Variants in BTBD9 observed in about 807,000 individuals in gnomAD.
The protein encoded by BTBD9 is BTB/POZ domain-containing protein 9.
BTBD9 carries 49 observed loss-of-function variants against 64.3 expected under a neutral mutation model. The observed-to-expected ratio is 0.76, with a 90% CI of 0.61 to 0.97. The LOEUF is 0.97. BTBD9 is among the 50% of genes least tolerant of loss of function. BTBD9 has a pLI of 0.00. For synonymous variants in BTBD9, 260 were observed against 274.7 expected (o/e 0.95, Z 0.53); for missense variants, 598 against 762.1 (o/e 0.78, Z 2.53).
chr6:38,175,187 G>A lies in BTBD9; in HGVS notation c.1642-5C>T, dbSNP rs1208918770. On this transcript the variant is annotated splice_polypyrimidine_tract_variant and splice_region_variant and intron_variant, in intron 10 of 10. Transcript: ENST00000481247. ...AAAGTGGACACAGTGGAACACCTGG[G>A]AGAGAAAAGGAAAAGACCCCATGAG... is the stretch of plus-strand genomic sequence containing the variant. 3 of 1,614,144 alleles carry A rather than the reference G, an allele frequency of 1.9e-6. No individual in the cohort carries two copies. The highest frequency in any genetic ancestry group is 1.7e-5 in the Admixed American group (1 of 60,020).
At chr6:38,260,807 T>C (rs1181139790) in intron 8 of BTBD9, among the ~76,000 whole-genome samples, 1 of 152,246 alleles carries the variant, frequency 6.6e-6, no homozygotes, top group Admixed American at 6.5e-5. Flanking sequence ...TATCTTTTTG[T>C]AACATCAAAT....
chr6:38,501,403 A>C (rs1480726913), intron 6 of BTBD9, among the ~76,000 whole-genome samples: 2 of 152,224 alleles, frequency 1.3e-5, no homozygotes, highest in African/African-American at 4.8e-5. Flanking sequence ...TCTGGTCCCA[A>C]GCATTTCAGA....
At chr6:38,611,524 C>T (rs958883213) in intron 1 of BTBD9, among the ~76,000 whole-genome samples, 2 of 152,088 alleles carry the variant, frequency 1.3e-5, no homozygotes, top group South Asian at 2.1e-4. Context: ...CTGATGCAGA[C>T]AGAATTTTAG....
At chr6:38,311,756 T>C (rs1022590630) in intron 7 of BTBD9, among the ~76,000 whole-genome samples, 3 of 152,234 alleles carry the variant, frequency 2.0e-5, no homozygotes, top group African/African-American at 7.2e-5. Flanking sequence ...ATTGTCTGTC[T>C]TTTGGATAAA....
At chr6:38,572,377 GA>G (rs1775809167) in intron 6 of BTBD9, among the ~76,000 whole-genome samples, 1 of 152,074 alleles carries the variant, frequency 6.6e-6, no homozygotes, top group African/African-American at 2.4e-5. Context: ...TGTTGTAAGT[GA>G]AAGTAGAACC....
chr6:38,412,525 T>C (rs902908673), intron 6 of BTBD9, among the ~76,000 whole-genome samples: 3 of 150,052 alleles, frequency 2.0e-5, no homozygotes, highest in Non-Finnish European at 4.4e-5. Flanking sequence ...TGTAACAGTG[T>C]ACAAAGGAGC....
intron 6 of BTBD9, among the ~76,000 whole-genome samples, chr6:38,499,265 C>T (rs749605933): frequency 6.6e-6 from 1 of 152,152 alleles, no homozygotes; most frequent in Non-Finnish European, 1.5e-5. Context: ...TCACAGGGAC[C>T]GCCCGCTCTG....
chr6:38,314,749 G>T (rs1762971684), intron 7 of BTBD9, among the ~76,000 whole-genome samples: 1 of 152,002 alleles, frequency 6.6e-6, no homozygotes, highest in Non-Finnish European at 1.5e-5. Flanking sequence ...TTTCCTCTAG[G>T]TTTTCCAATT....
intron 7 of BTBD9, among the ~76,000 whole-genome samples, chr6:38,328,618 G>A (rs567603480): frequency 7.2e-4 from 81 of 112,746 alleles, no homozygotes; most frequent in Middle Eastern, 4.9e-3. Flanking sequence ...TGTGTTTTAT[G>A]GCTGTCCTAG....
At chr6:38,213,817 T>A (rs1057235407) in intron 9 of BTBD9, among the ~76,000 whole-genome samples, 1 of 151,568 alleles carries the variant, frequency 6.6e-6, no homozygotes, top group Admixed American at 6.6e-5. Flanking sequence ...CCATCTCTAC[T>A]AAAAATACAA....
chr6:38,547,537 T>A (rs1286741637), intron 6 of BTBD9, among the ~76,000 whole-genome samples: 1 of 152,202 alleles, frequency 6.6e-6, no homozygotes, highest in Admixed American at 6.5e-5. Flanking sequence ...ACCTTCTCTA[T>A]CCTTGTTTAC....
chr6:38,411,629 G>GA (rs1767428880), intron 6 of BTBD9, among the ~76,000 whole-genome samples: 1 of 152,012 alleles, frequency 6.6e-6, no homozygotes, highest in South Asian at 2.1e-4. Context: ...TATAAAAAAT[G>GA]AAAAAATATT....
intron 6 of BTBD9, among the ~76,000 whole-genome samples, chr6:38,526,116 G>C (rs1444295841): frequency 6.6e-6 from 1 of 152,234 alleles, no homozygotes; most frequent in African/African-American, 2.4e-5. Context: ...ACCCAGGAGA[G>C]AAGAATGGTT....
At chr6:38,564,644 T>C (rs12213820) in intron 6 of BTBD9, among the ~76,000 whole-genome samples, 33,560 of 152,076 alleles carry the variant, frequency 0.22, 4,624 homozygotes, top group Non-Finnish European at 0.32. Flanking sequence ...ATCCCAGCAC[T>C]TTGGGAGGCC....
chr6:38,389,087 A>G (rs1766301459), intron 6 of BTBD9, among the ~76,000 whole-genome samples: 1 of 152,214 alleles, frequency 6.6e-6, no homozygotes, highest in African/African-American at 2.4e-5. Context: ...GTGATAATTT[A>G]TAGTATAGTG....
chr6:38,593,586 T>A (rs968805690), intron 3 of BTBD9, among the ~76,000 whole-genome samples: 2 of 152,228 alleles, frequency 1.3e-5, no homozygotes, highest in Non-Finnish European at 2.9e-5. Flanking sequence ...ATCTCCTCTA[T>A]GAATTTGCCT....
intron 9 of BTBD9, among the ~76,000 whole-genome samples, chr6:38,222,071 T>C (rs1763215945): frequency 6.6e-6 from 1 of 152,184 alleles, no homozygotes; most frequent in African/African-American, 2.4e-5. Context: ...AGGGAGGAGC[T>C]GGAATAATTA....
intron 1 of BTBD9, among the ~76,000 whole-genome samples, chr6:38,601,326 C>T (rs1230112723): frequency 6.6e-6 from 1 of 152,162 alleles, no homozygotes; most frequent in Non-Finnish European, 1.5e-5. Flanking sequence ...TTACCAATGG[C>T]ACAGCTTTAC....
chr6:38,179,948 G>A, intron 10 of BTBD9: 1 of 407,576 alleles, frequency 2.5e-6, no homozygotes, highest in South Asian at 1.8e-5. Flanking sequence ...AAAGATCTGG[G>A]CCTTGGCACC....
Sources: gnomAD v4.1 joint callset for allele counts (sites outside exome capture counted in the v4.1 genomes callset) on GRCh38, gnomAD v4.1.1 for gene constraint, MANE v1.5 for transcripts, NCBI Gene and HGNC (gene_info 2026-07-23, HGNC 2026-07-21) for gene names.